Variants in PNPT1 observed in about 807,000 individuals in gnomAD.
The protein encoded by PNPT1 is polyribonucleotide nucleotidyltransferase 1, mitochondrial.
PNPT1 carries 53 observed loss-of-function variants against 119.5 expected under a neutral mutation model. The ratio of observed to expected loss-of-function variants is 0.44; its 90% confidence interval spans 0.36 to 0.56. The LOEUF is 0.56. PNPT1 is among the 20% of genes least tolerant of loss of function. The probability of loss-of-function intolerance (pLI) is 0.00; values close to 1 mark genes in which losing one functional copy is unlikely to be tolerated. For missense variants in PNPT1, 948 were observed against 938.5 expected (o/e 1.01, Z -0.13); for synonymous variants, 357 against 322.1 (o/e 1.11, Z -1.16).
At chr2:55,663,021 A>G (rs533056272) in intron 13 of PNPT1, among the ~76,000 whole-genome samples, 22 of 151,936 alleles carry the variant, frequency 1.4e-4, no homozygotes, top group African/African-American at 5.1e-4. Context: ...AGTAGCTGGG[A>G]CTACAGGTGC....
intron 15 of PNPT1, among the ~76,000 whole-genome samples, chr2:55,657,664 G>A (rs1342689749): frequency 1.3e-5 from 2 of 151,354 alleles, no homozygotes; most frequent in Non-Finnish European, 2.9e-5. Context: ...GGGATTACAG[G>A]CATGAGCCAC....
intron 15 of PNPT1, among the ~76,000 whole-genome samples, chr2:55,657,155 C>T (rs1472248794): frequency 2.6e-5 from 4 of 151,912 alleles, no homozygotes; most frequent in African/African-American, 9.7e-5. Flanking sequence ...ATGGTGAGAC[C>T]CTGTATCTAC....
intron 5 of PNPT1, among the ~76,000 whole-genome samples, chr2:55,682,831 C>G (rs1303223688): frequency 6.6e-6 from 1 of 151,980 alleles, no homozygotes; most frequent in African/African-American, 2.4e-5. Flanking sequence ...ATCACTTGGG[C>G]TCAGGAGTTT....
At chr2:55,664,576 ACAATT>A (rs1696677871) in intron 13 of PNPT1, among the ~76,000 whole-genome samples, 1 of 152,222 alleles carries the variant, frequency 6.6e-6, no homozygotes, top group Admixed American at 6.5e-5. Flanking sequence ...AATTCTAAAA[ACAATT>A]CAATTCATTC....
At chr2:55,650,449 A>G (rs985654380) in intron 18 of PNPT1, among the ~76,000 whole-genome samples, 2 of 152,092 alleles carry the variant, frequency 1.3e-5, no homozygotes, top group Admixed American at 6.5e-5. Flanking sequence ...TCCATGCTCA[A>G]TGGTGCCCAG....
At chr2:55,647,645 C>T (rs963020517) in intron 18 of PNPT1, among the ~76,000 whole-genome samples, 192 bp from the exon 19 acceptor site, 4 of 151,876 alleles carry the variant, frequency 2.6e-5, no homozygotes, top group African/African-American at 9.7e-5. Context: ...TCAGCCTCCC[C>T]TATAGCTGGG....
chr2:55,677,337 T>A (rs1697104505), intron 8 of PNPT1, among the ~76,000 whole-genome samples: 1 of 152,218 alleles, frequency 6.6e-6, no homozygotes, highest in Admixed American at 6.5e-5. Flanking sequence ...CTCACGCCTA[T>A]AATCCCAGCA....
chr2:55,641,159 G>T (rs1295229649), intron 25 of PNPT1, among the ~76,000 whole-genome samples: 3 of 152,114 alleles, frequency 2.0e-5, no homozygotes, highest in African/African-American at 7.2e-5. Flanking sequence ...GAAAGGCGGA[G>T]GTGGCAGTGA....
chr2:55,681,455 C>G (rs945350067), intron 5 of PNPT1, among the ~76,000 whole-genome samples: 1 of 151,974 alleles, frequency 6.6e-6, no homozygotes, highest in African/African-American at 2.4e-5. Context: ...CCAAAGGGTT[C>G]CTATGAGAAT....
intron 13 of PNPT1, among the ~76,000 whole-genome samples, chr2:55,666,053 A>C (rs766578618): frequency 3.9e-5 from 6 of 152,188 alleles, no homozygotes; most frequent in Admixed American, 3.9e-4. Flanking sequence ...TATGCCATAA[A>C]CTAGAGTCTG....
chr2:55,685,835 T>C (rs1697389529), intron 3 of PNPT1, among the ~76,000 whole-genome samples: 2 of 152,218 alleles, frequency 1.3e-5, no homozygotes, highest in South Asian at 4.1e-4. Context: ...ATAACTTACG[T>C]ATATCCTCTC....
chr2:55,686,232 T>C lies in PNPT1; in HGVS notation c.297+138A>G, dbSNP rs982032067. 3.7e-5 allele frequency: 25 copies of C among 683,348 alleles called. 1 individual carries two copies. The Middle Eastern group carries it at 3.7e-3, about 101-fold the overall frequency. 42.3% of individuals were successfully genotyped at this position (683,348 alleles called of 1,614,324 possible). On this transcript the variant is annotated intron_variant, in intron 3 of 27. Transcript: ENST00000447944. ...AAGCAGTTTATACTCTTTTAATGAA[T>C]CAGTATCAAAAAACTAGGAAAAATT...
intron 21 of PNPT1, among the ~76,000 whole-genome samples, chr2:55,645,853 A>C (rs574141121): frequency 6.6e-6 from 1 of 151,016 alleles, no homozygotes; most frequent in Admixed American, 6.6e-5. Context: ...TTTTTGAGAC[A>C]TTTTCCCTCT....
intron 8 of PNPT1, among the ~76,000 whole-genome samples, chr2:55,677,918 T>C (rs1054820032): frequency 4.6e-5 from 7 of 152,042 alleles, no homozygotes; most frequent in Non-Finnish European, 8.8e-5. Context: ...TTTTTTTGTA[T>C]TTTTAGTAGA....
intron 2 of PNPT1, among the ~76,000 whole-genome samples, chr2:55,687,290 A>G (rs994637806): frequency 6.6e-6 from 1 of 151,836 alleles, no homozygotes; most frequent in African/African-American, 2.4e-5. Flanking sequence ...AAATACAAAA[A>G]TTAGCTGGGT....
In PNPT1 at chr2:55,656,297, G is replaced by A; in HGVS notation, c.1351+8C>T. The A allele has an allele frequency of 3.7e-6, 6 of 1,611,194 alleles. No individual in the cohort carries two copies. Among genetic ancestry groups the A allele is most frequent in the Non-Finnish European group, 5.1e-6 (6 of 1,178,904 alleles). On this transcript the variant is annotated splice_region_variant and intron_variant, in intron 16 of 27. Coordinates refer to ENST00000447944, the MANE Select transcript of PNPT1 (RefSeq NM_033109.5). ...AATACCGTATTAAGTTTACAGACCT[G>A]TACTTACCATGCCCAAGTTCTCTTC... is the stretch of plus-strand genomic sequence containing the variant.
intron 26 of PNPT1, among the ~76,000 whole-genome samples, chr2:55,638,779 CTT>C (rs540375374): frequency 6.8e-6 from 1 of 146,160 alleles, no homozygotes; most frequent in Non-Finnish European, 1.5e-5. Flanking sequence ...TTAAGGACAT[CTT>C]TTTTTTTTTT....
At chr2:55,686,348 A>G (rs773614808) in intron 3 of PNPT1, 22 bp downstream of exon 3, 16 of 1,582,930 alleles carry the variant, frequency 1.0e-5, no homozygotes, top group Non-Finnish European at 1.1e-5. Flanking sequence ...ATTACAGTTC[A>G]GATAAATCAG....
Position 55,660,057 on chromosome 2 carries a change from C to A in PNPT1, c.1284+100G>T, listed in dbSNP as rs553933124. 141 of 1,207,770 alleles carry A rather than the reference C, an allele frequency of 1.2e-4. 1 individual carries two copies. The South Asian group carries it at 2.2e-3, about 19-fold the overall frequency. 74.8% of individuals were successfully genotyped at this position (1,207,770 alleles called of 1,614,324 possible). A position where few individuals can be genotyped will look rare whatever the true frequency, so the allele number is the denominator to read the frequency against. On this transcript the variant is annotated intron_variant, in intron 15 of 27. Transcript: ENST00000447944. ...AGGGAGAGGTTGCAGTGAGCTGAGA[C>A]TGCACCACTCCACTCCAGCCTGGAC...
Sources: gnomAD v4.1 joint callset for allele counts (sites outside exome capture counted in the v4.1 genomes callset) on GRCh38, gnomAD v4.1.1 for gene constraint, MANE v1.5 for transcripts, NCBI Gene and HGNC (gene_info 2026-07-23, HGNC 2026-07-21) for gene names.